The following RBFOX1 variants were observed in gnomAD, a reference collection of about 807,000 sequenced individuals.
RBFOX1 encodes the protein RNA binding protein fox-1 homolog 1.
A neutral mutation model predicts 57.7 loss-of-function variants in RBFOX1; 8 were observed. The ratio of observed to expected loss-of-function variants is 0.14; its 90% CI spans 0.08 to 0.25. RBFOX1 has a LOEUF of 0.25. Ranked by LOEUF, RBFOX1 falls within the 10% of genes least tolerant of loss-of-function variation. RBFOX1 has a pLI of 1.00. For synonymous variants in RBFOX1, 326 were observed against 222.4 expected (o/e 1.47, Z -4.15); for missense variants, 611 against 548.5 (o/e 1.11, Z -1.14).
At chr16:7,175,538 C>G (rs1434694601) in intron 4 of RBFOX1, among the ~76,000 whole-genome samples, 1 of 152,132 alleles carries the variant, frequency 6.6e-6, no homozygotes, top group African/African-American at 2.4e-5. Flanking sequence ...GTTGTGTGAA[C>G]ATGCCACAGG....
In RBFOX1 at chr16:6,341,853, A is replaced by C. The variant is rs113048311; in HGVS notation, c.-64+24796A>C. On this transcript the variant is annotated intron_variant, in intron 2 of 15. Coordinates refer to ENST00000550418, the MANE Select transcript of RBFOX1 (RefSeq NM_018723.4). ...TCCAAGAACCGTTTATTGGAGTCCA[A>C]ATCAGGACTGCTTTCTGGTGACACT... Among the ~76,000 whole-genome samples, 1,209 of 152,268 alleles carry C rather than the reference A, an allele frequency of 7.9e-3. 13 individuals carry two copies. Among genetic ancestry groups the C allele is most frequent in the African/African-American group, 0.026 (1,069 of 41,550 alleles).
chr16:7,021,780 T>A (rs2153673364), intron 3 of RBFOX1, among the ~76,000 whole-genome samples: 1 of 151,102 alleles, frequency 6.6e-6, no homozygotes, highest in Non-Finnish European at 1.5e-5. Flanking sequence ...GAGCATGTAC[T>A]ATATACCAGG....
intron 3 of RBFOX1, among the ~76,000 whole-genome samples, chr16:6,791,471 G>C (rs1183972918): frequency 1.3e-5 from 2 of 152,134 alleles, no homozygotes; most frequent in South Asian, 4.2e-4. Flanking sequence ...CGAAAGTAGA[G>C]CATCACGCCA....
In RBFOX1 at chr16:6,929,581, C is replaced by T. The variant is rs187248708; in HGVS notation, c.-15-122476C>T. On this transcript the variant is annotated intron_variant, in intron 3 of 15. Coordinates refer to ENST00000550418, the MANE Select transcript of RBFOX1 (RefSeq NM_018723.4). ...GTGAGGGAAGAGGTCTGCATGGGGC[C>T]GGGGAAATTTAATTTTTAGCTTAAA... 3.3e-5 allele frequency among the ~76,000 whole-genome samples: 5 copies of T among 152,044 alleles called. No individual in the cohort carries two copies. The East Asian group carries it at 5.8e-4, about 18-fold the overall frequency.
At chr16:5,773,995 A>G (rs560262993) in intron 3 of RBFOX1, among the ~76,000 whole-genome samples, 5 of 152,112 alleles carry the variant, frequency 3.3e-5, no homozygotes, top group African/African-American at 1.2e-4. Context: ...CTTGGCCTGC[A>G]TTTTTTCTCT....
At chr16:5,982,428 C>T (rs573525875) in intron 4 of RBFOX1, among the ~76,000 whole-genome samples, 1 of 152,102 alleles carries the variant, frequency 6.6e-6, no homozygotes, top group African/African-American at 2.4e-5. Context: ...GCACCCACCA[C>T]CACACCCAGC....
intron 3 of RBFOX1, among the ~76,000 whole-genome samples, chr16:5,656,622 A>G (rs1226668045): frequency 6.6e-6 from 1 of 152,192 alleles, no homozygotes; most frequent in African/African-American, 2.4e-5. Context: ...TTTTAGTTTC[A>G]TGTAAATTAA....
chr16:7,080,418 A>G (rs1036421315), intron 4 of RBFOX1, among the ~76,000 whole-genome samples: 4 of 152,144 alleles, frequency 2.6e-5, no homozygotes, highest in African/African-American at 7.2e-5. Flanking sequence ...GGTCTTCACT[A>G]TGATTTCAGT....
At chr16:7,341,776 C>CTCCTTCCT (rs767808435) in intron 4 of RBFOX1, among the ~76,000 whole-genome samples, 7,636 of 94,834 alleles carry the variant, frequency 0.081, 327 homozygotes, top group Middle Eastern at 0.14. Context: ...CCCTCCCTCC[C>CTCCTTCCT]TCCTTCCTTC....
intron 2 of RBFOX1, among the ~76,000 whole-genome samples, chr16:5,524,923 C>T (rs944839382): frequency 7.9e-5 from 12 of 152,186 alleles, no homozygotes; most frequent in Non-Finnish European, 1.5e-5. Flanking sequence ...AAGTCCCCCA[C>T]CATACCCTCA....
In RBFOX1 at chr16:6,793,295, A is replaced by G. The variant is rs564680766; in HGVS notation, c.-16+138645A>G. On this transcript the variant is annotated intron_variant, in intron 3 of 15. Transcript: ENST00000550418. Reference sequence around the variant, plus strand: ...TCCCCCTGTTAGGCTTAGATTTTACATAAAATTTTTAAAGTGAAATTTGAT... The same window carrying G: ...TCCCCCTGTTAGGCTTAGATTTTACGTAAAATTTTTAAAGTGAAATTTGAT... 6.6e-4 allele frequency among the ~76,000 whole-genome samples: 101 copies of G among 152,310 alleles called. 1 individual carries two copies. The Middle Eastern group carries it at 0.014, about 21-fold the overall frequency.
intron 1 of RBFOX1, among the ~76,000 whole-genome samples, chr16:5,278,432 C>T (rs755630967): frequency 6.6e-5 from 10 of 152,166 alleles, no homozygotes; most frequent in Non-Finnish European, 1.5e-4. Context: ...ACTCTTTGCC[C>T]ATCACTATGT....
chr16:7,589,750 G>C (rs1283918555), intron 7 of RBFOX1, among the ~76,000 whole-genome samples: 1 of 152,012 alleles, frequency 6.6e-6, no homozygotes, highest in East Asian at 1.9e-4. Context: ...TAATGGTTCA[G>C]AAACCTGAAC....
At chr16:5,793,424 C>T (rs1434474034) in intron 3 of RBFOX1, among the ~76,000 whole-genome samples, 5 of 152,256 alleles carry the variant, frequency 3.3e-5, no homozygotes, top group Non-Finnish European at 7.3e-5. Context: ...ATTTTCAATT[C>T]AGCCCGTTGG....
intron 4 of RBFOX1, among the ~76,000 whole-genome samples, chr16:5,887,367 T>C (rs1367128365): frequency 1.3e-5 from 2 of 152,160 alleles, no homozygotes; most frequent in African/African-American, 4.8e-5. Context: ...CTTCAATGGA[T>C]TTCCTTCTAC....
At chr16:6,639,631 CT>C (rs781509898) in intron 2 of RBFOX1, among the ~76,000 whole-genome samples, 27 of 152,176 alleles carry the variant, frequency 1.8e-4, no homozygotes, top group Non-Finnish European at 3.7e-4. Flanking sequence ...AATCCCAGCA[CT>C]TTGGGAGGCC....
chr16:6,753,281 A>G (rs1415349254), intron 3 of RBFOX1, among the ~76,000 whole-genome samples: 1 of 152,196 alleles, frequency 6.6e-6, no homozygotes, highest in Non-Finnish European at 1.5e-5. Context: ...TGGTAGATAT[A>G]TGGATGTTTG....
At chr16:6,296,415 G>T (rs1324672715) in intron 1 of RBFOX1, among the ~76,000 whole-genome samples, 1 of 149,840 alleles carries the variant, frequency 6.7e-6, no homozygotes, top group Non-Finnish European at 1.5e-5. Flanking sequence ...AAGCGGGGAG[G>T]GGATGTACTT....
Position 6,121,982 on chromosome 16 carries a change from T to G in RBFOX1, c.-127+101990T>G, listed in dbSNP as rs530813868. On this transcript the variant is annotated intron_variant, in intron 1 of 15. Coordinates refer to ENST00000550418, the MANE Select transcript of RBFOX1 (RefSeq NM_018723.4). Reference sequence around the variant, plus strand: ...GTGCAGTGGCATGATCTCTGCTCACTGCAACCCCTGCCTCCGGGGTTCAAG... The same window carrying G: ...GTGCAGTGGCATGATCTCTGCTCACGGCAACCCCTGCCTCCGGGGTTCAAG... Among the ~76,000 whole-genome samples the G allele has an allele frequency of 7.2e-4, 110 of 152,322 alleles. 1 individual carries two copies. Among genetic ancestry groups the G allele is most frequent in the African/African-American group, 2.5e-3 (104 of 41,584 alleles).
Sources: gnomAD v4.1 joint callset for allele counts (sites outside exome capture counted in the v4.1 genomes callset) on GRCh38, gnomAD v4.1.1 for gene constraint, MANE v1.5 for transcripts, NCBI Gene and HGNC (gene_info 2026-07-23, HGNC 2026-07-21) for gene names.